Variants in BASP1 observed in about 807,000 individuals in gnomAD.
BASP1 encodes the protein brain abundant membrane attached signal protein 1.
BASP1 carries 1 observed loss-of-function variant against 2.2 expected under a neutral mutation model. That is an observed-to-expected ratio of 0.46 (90% confidence interval 0.16 to 2.17). The LOEUF (loss-of-function observed/expected upper bound fraction) is 2.17, where lower values mean the gene tolerates loss of function less well. Among genes scored for constraint, BASP1 ranks in the 30% most tolerant of loss-of-function variants. The pLI is 0.27. For synonymous variants in BASP1, 187 were observed against 154.2 expected, an observed-to-expected ratio of 1.21 and a Z score of -1.58; for missense variants, 352 against 327.2, an observed-to-expected ratio of 1.08 and a Z score of -0.58.
chr5:17,259,725 T>A (rs1379864177), intron 1 of BASP1, among the ~76,000 whole-genome samples: 3 of 152,198 alleles, frequency 2.0e-5, no homozygotes, highest in African/African-American at 7.2e-5. Context: ...TAAATTGCAG[T>A]TATTTCTGGA....
chr5:17,270,684 G>T (rs73756112), intron 1 of BASP1, among the ~76,000 whole-genome samples: 4,250 of 152,250 alleles, frequency 0.028, 199 homozygotes, highest in African/African-American at 0.094. Flanking sequence ...GAACCTGTGT[G>T]CTAACTATTC....
chr5:17,221,365 GTT>G (rs35430036), intron 1 of BASP1, among the ~76,000 whole-genome samples: 3,303 of 120,942 alleles, frequency 0.027, 62 homozygotes, highest in East Asian at 0.096. Context: ...TCTTGTAAAT[GTT>G]TTTTTTTTTT....
At chr5:17,224,570 A>G (rs539698131) in intron 1 of BASP1, among the ~76,000 whole-genome samples, 2 of 152,314 alleles carry the variant, frequency 1.3e-5, no homozygotes, top group Admixed American at 6.5e-5. Context: ...AAAATTATTT[A>G]TGGAAGAGAT....
Position 17,252,663 on chromosome 5 carries a change from G to A in BASP1, c.-9-22545G>A, listed in dbSNP as rs185337155. On this transcript the variant is annotated intron_variant, in intron 1 of 1. Transcript: ENST00000322611. ...ACATAGAAGAAGGAATTAGAGTTAA[G>A]AAACAAAAAGACTATCTTGTTTCCC... Among the ~76,000 whole-genome samples the A allele has an allele frequency of 1.9e-3, 293 of 152,308 alleles. 1 individual carries two copies. The highest frequency in any genetic ancestry group is 3.0e-3 in the Non-Finnish European group (202 of 68,024).
At chr5:17,249,160 T>C (rs1320470706) in intron 1 of BASP1, among the ~76,000 whole-genome samples, 1 of 152,124 alleles carries the variant, frequency 6.6e-6, no homozygotes, top group Non-Finnish European at 1.5e-5. Flanking sequence ...GACCCCCTTA[T>C]TCTGTGCCTG....
At chr5:17,223,611 AGCCTCCATACTGAATTT>A (rs949360772) in intron 1 of BASP1, among the ~76,000 whole-genome samples, 1 of 152,228 alleles carries the variant, frequency 6.6e-6, no homozygotes, top group Non-Finnish European at 1.5e-5. Flanking sequence ...AATACAACCC[AGCCTCCATACTGAATTT>A]GTACTTTTTT....
intron 1 of BASP1, among the ~76,000 whole-genome samples, chr5:17,220,356 T>C (rs1174005932): frequency 6.6e-6 from 1 of 152,132 alleles, no homozygotes; most frequent in Non-Finnish European, 1.5e-5. Flanking sequence ...TTCCTTTAGG[T>C]TGTGTTTTTG....
In BASP1 at chr5:17,275,598, G is replaced by A. The variant is rs750351030; in HGVS notation, c.382G>A (p.Ala128Thr). The A allele has an allele frequency of 9.2e-6, 13 of 1,415,454 alleles. No individual in the cohort carries two copies. The South Asian group carries it at 1.7e-4, about 19-fold the overall frequency. The allele number at this position is 1,415,454 out of a possible 1,614,324, so 87.7% of individuals were successfully genotyped here. The change falls in exon 2 of 2, where the codon GCC becomes ACC. Residue 128 changes from alanine to threonine, a missense_variant. By Grantham distance (58) the Ala-to-Thr change is moderately conservative. Coordinates refer to ENST00000322611, the MANE Select transcript of BASP1 (RefSeq NM_006317.5). The surrounding 1 kb of genome is among the most constrained non-coding windows in gnomAD (Gnocchi z 5.3). ...CCCCAAAGCTGCTGAGGCCGCCGCG[G>A]CCCCGGCCGAGAGCGCGGCCCCTGC... ...EAPKAAEAAA[A>T]PAESAAPAAG...
intron 1 of BASP1, among the ~76,000 whole-genome samples, chr5:17,224,151 G>A (rs887524398): frequency 5.3e-5 from 8 of 152,228 alleles, no homozygotes; most frequent in Non-Finnish European, 1.0e-4. Flanking sequence ...TCAGGGATAT[G>A]CCCAAGGATT....
At chr5:17,221,664 A>C (rs1190568119) in intron 1 of BASP1, among the ~76,000 whole-genome samples, 2 of 152,138 alleles carry the variant, frequency 1.3e-5, no homozygotes, top group Non-Finnish European at 2.9e-5. Flanking sequence ...AATTTTCTCT[A>C]ATTATATCTA....
In BASP1 at chr5:17,276,738, A is replaced by C. The variant is rs201958410; in HGVS notation, c.*838A>C. ...ACTCATTGGAAAATGGAAAAAAAAA[A>C]CAAAAAAAAAACAAAAAAATGTACA... On this transcript the variant is annotated 3_prime_UTR_variant, in exon 2 of 2. Coordinates refer to ENST00000322611, the MANE Select transcript of BASP1 (RefSeq NM_006317.5). 33 of 86,806 alleles carry C rather than the reference A, an allele frequency of 3.8e-4. No homozygotes were observed. Among genetic ancestry groups the C allele is most frequent in the South Asian group, 3.1e-3 (7 of 2,262 alleles). 5.4% of individuals were successfully genotyped at this position (86,806 alleles called of 1,614,324 possible).
intron 1 of BASP1, among the ~76,000 whole-genome samples, chr5:17,252,179 A>G (rs1189849267): frequency 6.6e-6 from 1 of 152,178 alleles, no homozygotes; most frequent in African/African-American, 2.4e-5. Context: ...TAAGCTCATG[A>G]TAAGAAACAG....
At chr5:17,237,624 T>C (rs1739777061) in intron 1 of BASP1, among the ~76,000 whole-genome samples, 1 of 7,592 alleles carries the variant, frequency 1.3e-4, no homozygotes, top group African/African-American at 1.2e-3. Context: ...GACATTGCTT[T>C]TTTTTTTTTT....
rs1226684598 is a variant in BASP1, at chr5:17,276,601, A to C, written c.*701A>C. On this transcript the variant is annotated 3_prime_UTR_variant, in exon 2 of 2. Transcript: ENST00000322611. Reference sequence around the variant, plus strand: ...TTAATGCATGTCCGTGGTTGGGTGCACCTGTAGTTCTGTTTATTGGTCAGT... The same window carrying C: ...TTAATGCATGTCCGTGGTTGGGTGCCCCTGTAGTTCTGTTTATTGGTCAGT... 2 of 148,404 alleles carry C rather than the reference A, an allele frequency of 1.3e-5. No homozygotes were observed. Among genetic ancestry groups the C allele is most frequent in the Non-Finnish European group, 3.1e-5 (2 of 65,256 alleles). 9.2% of individuals were successfully genotyped at this position (148,404 alleles called of 1,614,324 possible). A position where few individuals can be genotyped will look rare whatever the true frequency, so the allele number is the denominator to read the frequency against.
intron 1 of BASP1, among the ~76,000 whole-genome samples, chr5:17,222,808 C>A (rs138972540): frequency 2.0e-5 from 3 of 151,992 alleles, no homozygotes; most frequent in African/African-American, 7.3e-5. Flanking sequence ...TCAACAAGGC[C>A]GTCAGTGCTG....
chr5:17,230,494 G>A (rs1490535941), intron 1 of BASP1, among the ~76,000 whole-genome samples: 1 of 152,068 alleles, frequency 6.6e-6, no homozygotes, highest in Non-Finnish European at 1.5e-5. Flanking sequence ...TTCTTTTGAG[G>A]GGCATTCTCA....
rs947640610 is a variant in BASP1 at position 17,260,282 on chromosome 5, C to A, written c.-9-14926C>A. On this transcript the variant is annotated intron_variant, in intron 1 of 1. Coordinates refer to ENST00000322611, the MANE Select transcript of BASP1 (RefSeq NM_006317.5). The surrounding 1 kb of genome is among the most constrained non-coding windows in gnomAD (Gnocchi z 4.2). ...TCTGCATTAGTGTCTATACAGTCAA[C>A]CTTTACATTCAAGGAGAAGCTTAAC... 6.6e-6 allele frequency among the ~76,000 whole-genome samples: 1 copy of A among 152,106 alleles called. No individual in the cohort carries two copies. The highest frequency in any genetic ancestry group is 1.5e-5 in the Non-Finnish European group (1 of 68,030).
intron 1 of BASP1, among the ~76,000 whole-genome samples, chr5:17,222,624 C>T (rs916741562): frequency 6.6e-6 from 1 of 152,208 alleles, no homozygotes; most frequent in Admixed American, 6.5e-5. Context: ...TTCTCCTTTT[C>T]CCTCTAGAAG....
intron 1 of BASP1, among the ~76,000 whole-genome samples, chr5:17,253,413 A>T (rs553857245): frequency 2.0e-5 from 3 of 152,132 alleles, no homozygotes; most frequent in East Asian, 3.9e-4. Context: ...GGGTCTCACT[A>T]TGTTTCCCAG....
Sources: gnomAD v4.1 joint callset for allele counts (sites outside exome capture counted in the v4.1 genomes callset) on GRCh38, gnomAD v4.1.1 for gene constraint, Gnocchi (gnomAD v3.1) non-coding constraint, MANE v1.5 for transcripts, NCBI Gene and HGNC (gene_info 2026-07-23, HGNC 2026-07-21) for gene names.